RNF225: variants seen among roughly 807,000 people sequenced by gnomAD.
RNF225 encodes ring finger protein 225.
For missense variants in RNF225, 510 were observed against 509.8 expected (o/e 1.00, Z 0.00); for synonymous variants, 295 against 260.4 (o/e 1.13, Z -1.28).
In RNF225 at chr19:58,396,784, C is replaced by G; in HGVS notation, c.695C>G (p.Pro232Arg). 42 of 1,515,600 alleles carry G rather than the reference C, an allele frequency of 2.8e-5. No homozygotes were observed. Among genetic ancestry groups the G allele is most frequent in the Non-Finnish European group, 3.6e-5 (41 of 1,139,172 alleles). The allele number at this position is 1,515,600 out of a possible 1,614,324, so 93.9% of individuals were successfully genotyped here. The change falls in exon 1 of 1, where the codon CCG (proline) becomes CGG (arginine). Residue 232 changes from proline to arginine, a missense_variant. Transcript: ENST00000601382. ...LIPHATSSGP[P>R]RPQLVALAPA... ...CCGCACGCCACCTCCTCCGGCCCCCCGCGGCCCCAGCTCGTGGCGCTCGCT... is the reference window on the plus strand; with the variant it reads ...CCGCACGCCACCTCCTCCGGCCCCCGGCGGCCCCAGCTCGTGGCGCTCGCT...
In RNF225 at chr19:58,396,764, C is replaced by A. The variant is rs1045511164; in HGVS notation, c.675C>A (p.His225Gln). Residue 225 changes from histidine (H) to glutamine (Q), a missense_variant, in exon 1 of 1, where the codon CAC (histidine) becomes CAA (glutamine). By Grantham distance (24) the His-to-Gln change is conservative. Transcript: ENST00000601382. Reference sequence around the variant, plus strand: ...TCTACATCTTCTTCCTCATCCCGCACGCCACCTCCTCCGGCCCCCCGCGGC... The same window carrying A: ...TCTACATCTTCTTCCTCATCCCGCAAGCCACCTCCTCCGGCCCCCCGCGGC... ...SGVYIFFLIP[H>Q]ATSSGPPRPQ... is the part of the protein sequence containing the mutation. 1.3e-6 allele frequency: 2 copies of A among 1,514,718 alleles called. No homozygotes were observed. Among genetic ancestry groups the A allele is most frequent in the Non-Finnish European group, 1.8e-6 (2 of 1,138,710 alleles). The allele number at this position is 1,514,718 out of a possible 1,614,324, so 93.8% of individuals were successfully genotyped here.
rs773272379 is a variant in RNF225 at position 58,396,345 on chromosome 19, G to A, written c.256G>A (p.Val86Ile). 7 of 1,535,524 alleles carry A rather than the reference G, an allele frequency of 4.6e-6. 1 individual carries two copies. In the South Asian group the frequency reaches 8.3e-5, roughly 18 times the overall value. ...KLPKRLDCGH[V>I]FCLECLARLS... The stretch of plus-strand genomic sequence containing the variant: ...GCCCAAGCGCCTGGACTGCGGCCAC[G>A]TCTTCTGTCTCGAGTGCCTGGCGCG... The change falls in exon 1 of 1, where the codon GTC becomes ATC. Residue 86 changes from valine (V) to isoleucine (I), a missense_variant. Coordinates refer to ENST00000601382, the MANE Select transcript of RNF225 (RefSeq NM_001195135.2).
chr19:58,396,639 C>G lies in RNF225; in HGVS notation c.550C>G (p.Pro184Ala). The G allele has an allele frequency of 7.1e-7, 1 of 1,400,494 alleles. No individual in the cohort carries two copies. Among genetic ancestry groups the G allele is most frequent in the South Asian group, 1.5e-5 (1 of 67,676 alleles). The allele number at this position is 1,400,494 out of a possible 1,614,324, so 86.8% of individuals were successfully genotyped here. A position where few individuals can be genotyped will look rare whatever the true frequency, so the allele number is the denominator to read the frequency against. ...PPPPPLRLGR[P>A]LSRRLSLASP... is the part of the protein sequence containing the mutation. ...CCCGCCGCCTCTGCGCCTGGGCCGC[C>G]CGCTGTCGCGCCGCTTGTCGCTGGC... Residue 184 changes from proline to alanine, a missense_variant, in exon 1 of 1, where the codon CCG (proline) becomes GCG (alanine). Transcript: ENST00000601382.
rs991163466 is a variant in RNF225, at chr19:58,396,152, C to G, written c.63C>G (p.Ser21Arg). ...GGGCCCCCCAGGGCTCGGGTCCCAG[C>G]TCCCCAGGCTCGCTCTCTGCGCCCC... ...HSRAPQGSGP[S>R]SPGSLSAPRS... Residue 21 changes from serine (S) to arginine (R), a missense_variant, in exon 1 of 1, where the codon AGC becomes AGG. Coordinates refer to ENST00000601382, the MANE Select transcript of RNF225 (RefSeq NM_001195135.2). The G allele has an allele frequency of 6.5e-7, 1 of 1,533,966 alleles. No homozygotes were observed. The highest frequency in any genetic ancestry group is 1.4e-5 in the African/African-American group (1 of 72,936).
Position 58,395,751 on chromosome 19 carries a change from G to A in RNF225, c.-339G>A, listed in dbSNP as rs1599936388. On this transcript the variant is annotated 5_prime_UTR_variant, in exon 1 of 1. Transcript: ENST00000601382. ...TGCGGTCTGTCATTACTCTGTGGGG[G>A]GTGCCTATCTCTGCTCCTCTGTGGG... Among the ~76,000 whole-genome samples, 2 of 152,078 alleles carry A rather than the reference G, an allele frequency of 1.3e-5. No individual in the cohort carries two copies. The highest frequency in any genetic ancestry group is 4.1e-4 in the South Asian group (2 of 4,828).
chr19:58,396,523 G>A lies in RNF225; in HGVS notation c.434G>A (p.Gly145Asp). Reference protein sequence around the residue: ...RDARAPPSRQGSVRFDRRRGL... With the variant: ...RDARAPPSRQDSVRFDRRRGL... ...GCGCGCGCACCGCCCTCTCGCCAGGGCTCCGTGCGCTTCGACCGGCGCCGC... is the reference window on the plus strand; with the variant it reads ...GCGCGCGCACCGCCCTCTCGCCAGGACTCCGTGCGCTTCGACCGGCGCCGC... Residue 145 changes from glycine to aspartate, a missense_variant, in exon 1 of 1, where the codon GGC becomes GAC. Physicochemically the swap from Gly to Asp is moderately conservative, Grantham distance 94. Transcript: ENST00000601382. 3.3e-6 allele frequency: 4 copies of A among 1,228,234 alleles called. No individual in the cohort carries two copies. The highest frequency in any genetic ancestry group is 4.3e-5 in the Admixed American group (1 of 23,304). 76.1% of individuals were successfully genotyped at this position (1,228,234 alleles called of 1,614,324 possible). A position where few individuals can be genotyped will look rare whatever the true frequency, so the allele number is the denominator to read the frequency against.
Position 58,396,263 on chromosome 19 carries a change from C to T in RNF225, c.174C>T (p.Pro58=), listed in dbSNP as rs1212265980. The change falls in exon 1 of 1, where the codon CCC becomes CCT. Residue 58 remains proline (P), a synonymous_variant. Coordinates refer to ENST00000601382, the MANE Select transcript of RNF225 (RefSeq NM_001195135.2). ...GSPGSGPILP[P]ASPVECLICV... ...CAGGCTCCGGCCCTATCCTGCCCCC[C>T]GCCTCCCCGGTGGAGTGCCTCATCT... 3.3e-6 allele frequency: 5 copies of T among 1,536,464 alleles called. No homozygotes were observed. Among genetic ancestry groups the T allele is most frequent in the East Asian group, 2.4e-5 (1 of 40,916 alleles).
Position 58,396,206 on chromosome 19 carries a change from G to A in RNF225, c.117G>A (p.Glu39=), listed in dbSNP as rs2052397279. The A allele has an allele frequency of 1.3e-6, 2 of 1,541,420 alleles. No individual in the cohort carries two copies. Among genetic ancestry groups the A allele is most frequent in the Non-Finnish European group, 1.7e-6 (2 of 1,150,036 alleles). Residue 39 remains glutamate, a synonymous_variant, in exon 1 of 1, where the codon GAG becomes GAA. Coordinates refer to ENST00000601382, the MANE Select transcript of RNF225 (RefSeq NM_001195135.2). ...PRSPSRGEDQ[E]EEEEEEGDGS... ...CCCCAAGCAGAGGGGAAGACCAGGA[G>A]GAGGAGGAGGAGGAGGAAGGGGACG... is the stretch of plus-strand genomic sequence containing the variant.
In RNF225 at chr19:58,396,638, C is replaced by T. The variant is rs964542039; in HGVS notation, c.549C>T (p.Arg183=). ...PPPPPPLRLG[R]PLSRRLSLAS... ...CCCCGCCGCCTCTGCGCCTGGGCCG[C>T]CCGCTGTCGCGCCGCTTGTCGCTGG... The change falls in exon 1 of 1, where the codon CGC becomes CGT. Residue 183 remains arginine (R), a synonymous_variant. Transcript: ENST00000601382. 2 of 1,398,506 alleles carry T rather than the reference C, an allele frequency of 1.4e-6. No homozygotes were observed. The highest frequency in any genetic ancestry group is 1.5e-5 in the South Asian group (1 of 67,334). The allele number at this position is 1,398,506 out of a possible 1,614,324, so 86.6% of individuals were successfully genotyped here. A position where few individuals can be genotyped will look rare whatever the true frequency, so the allele number is the denominator to read the frequency against.
At position 58,396,967 on chromosome 19, in the gene RNF225, C is replaced by T. The variant is rs2052404970; in HGVS notation, c.878C>T (p.Ala293Val). The T allele has an allele frequency of 1.3e-6, 2 of 1,534,170 alleles. No individual in the cohort carries two copies. Among genetic ancestry groups the T allele is most frequent in the East Asian group, 2.4e-5 (1 of 40,866 alleles). ...CCCGAGGCGGGCCCCGAGGACCCGG[C>T]GGAGGCCGAGAGGACGCTGGACAGG... ...LEPEAGPEDP[A>V]EAERTLDRRS... is the part of the protein sequence containing the mutation. Residue 293 changes from alanine (A) to valine (V), a missense_variant, in exon 1 of 1, where the codon GCG becomes GTG. Ala to Val is a moderately conservative substitution (Grantham distance 64). Coordinates refer to ENST00000601382, the MANE Select transcript of RNF225 (RefSeq NM_001195135.2).
rs913242163 is a variant in RNF225, at chr19:58,395,752, G to A, written c.-338G>A. Among the ~76,000 whole-genome samples the A allele has an allele frequency of 9.9e-5, 15 of 152,226 alleles. No homozygotes were observed. Among genetic ancestry groups the A allele is most frequent in the Non-Finnish European group, 2.2e-4 (15 of 67,974 alleles). ...GCGGTCTGTCATTACTCTGTGGGGG[G>A]TGCCTATCTCTGCTCCTCTGTGGGT... On this transcript the variant is annotated 5_prime_UTR_variant, in exon 1 of 1. The change creates a new upstream start codon in the 5' untranslated region. Transcript: ENST00000601382.
rs537601397 is a variant in RNF225 at position 58,395,973 on chromosome 19, A to G, written c.-117A>G. On this transcript the variant is annotated 5_prime_UTR_variant, in exon 1 of 1. Coordinates refer to ENST00000601382, the MANE Select transcript of RNF225 (RefSeq NM_001195135.2). ...GGGATGGGGTGCTCTGTACTGGGGG[A>G]TCCTCTCTAAAGTACAGTCCCCAGT... 1.4e-5 allele frequency: 15 copies of G among 1,044,334 alleles called. No homozygotes were observed. In the East Asian group the frequency reaches 3.5e-4, roughly 24 times the overall value. 64.7% of individuals were successfully genotyped at this position (1,044,334 alleles called of 1,614,324 possible).
At position 58,396,407 on chromosome 19, in the gene RNF225, G is replaced by T; in HGVS notation, c.318G>T (p.Val106=). 6.5e-7 allele frequency: 1 copy of T among 1,529,428 alleles called. No individual in the cohort carries two copies. Among genetic ancestry groups the T allele is most frequent in the Admixed American group, 2.0e-5 (1 of 50,590 alleles). The allele number at this position is 1,529,428 out of a possible 1,614,324, so 94.7% of individuals were successfully genotyped here. ...SLATAGGGNA[V]ACPVCRAPTR... is the part of the protein sequence containing the mutation. ...CCACGGCGGGCGGCGGCAACGCGGT[G>T]GCCTGTCCGGTGTGCCGCGCGCCCA... is the stretch of plus-strand genomic sequence containing the variant. The change falls in exon 1 of 1, where the codon GTG becomes GTT. Residue 106 remains valine, a synonymous_variant. Transcript: ENST00000601382.
At position 58,397,041 on chromosome 19, in the gene RNF225, T is replaced by C; in HGVS notation, c.952T>C (p.Trp318Arg). 1 of 1,528,230 alleles carries C rather than the reference T, an allele frequency of 6.5e-7. No individual in the cohort carries two copies. Among genetic ancestry groups the C allele is most frequent in the Non-Finnish European group, 8.7e-7 (1 of 1,144,032 alleles). 94.7% of individuals were successfully genotyped at this position (1,528,230 alleles called of 1,614,324 possible). Residue 318 changes from tryptophan (W) to arginine (R), a missense_variant, in exon 1 of 1, where the codon TGG becomes CGG. Physicochemically the swap from Trp to Arg is moderately radical, Grantham distance 101 (BLOSUM62 -3). Coordinates refer to ENST00000601382, the MANE Select transcript of RNF225 (RefSeq NM_001195135.2). ...GTEAGPGWAP[W>R]PRGARRLWGS... Reference sequence around the variant, plus strand: ...AGAGGCTGGCCCCGGCTGGGCCCCGTGGCCACGGGGCGCGAGGAGGCTGTG... The same window carrying C: ...AGAGGCTGGCCCCGGCTGGGCCCCGCGGCCACGGGGCGCGAGGAGGCTGTG...
At position 58,395,866 on chromosome 19, in the gene RNF225, C is replaced by T. The variant is rs886123281; in HGVS notation, c.-224C>T. Among the ~76,000 whole-genome samples the T allele has an allele frequency of 2.6e-5, 4 of 152,132 alleles. No homozygotes were observed. The highest frequency in any genetic ancestry group is 6.5e-5 in the Admixed American group (1 of 15,292). On this transcript the variant is annotated 5_prime_UTR_variant, in exon 1 of 1. Coordinates refer to ENST00000601382, the MANE Select transcript of RNF225 (RefSeq NM_001195135.2). ...CCGTTTCCAATTCAGGAACTGGTAC[C>T]CCGTGGGTCCATTCCTATCCCCAGT... is the stretch of plus-strand genomic sequence containing the variant.
At position 58,396,052 on chromosome 19, in the gene RNF225, T is replaced by C. The variant is rs1177098338; in HGVS notation, c.-38T>C. The C allele has an allele frequency of 4.1e-6, 6 of 1,473,372 alleles. No individual in the cohort carries two copies. The highest frequency in any genetic ancestry group is 4.5e-6 in the Non-Finnish European group (5 of 1,120,316). The allele number at this position is 1,473,372 out of a possible 1,614,324, so 91.3% of individuals were successfully genotyped here. A position where few individuals can be genotyped will look rare whatever the true frequency, so the allele number is the denominator to read the frequency against. ...ACCCGCTCCAGGCTCCACCGCCTCC[T>C]TCCCTGCCTGACCTCCTCTCCTCCC... On this transcript the variant is annotated 5_prime_UTR_variant, in exon 1 of 1. Coordinates refer to ENST00000601382, the MANE Select transcript of RNF225 (RefSeq NM_001195135.2).
In RNF225 at chr19:58,395,752, G is replaced by GCCCCTGGCCCCTGTGCT. The variant is rs2052393416; in HGVS notation, c.-338_-337insCCCCTGGCCCCTGTGCT. ...GCGGTCTGTCATTACTCTGTGGGGG[G>GCCCCTGGCCCCTGTGCT]TGCCTATCTCTGCTCCTCTGTGGGT... On this transcript the variant is annotated 5_prime_UTR_variant, in exon 1 of 1. Coordinates refer to ENST00000601382, the MANE Select transcript of RNF225 (RefSeq NM_001195135.2). Among the ~76,000 whole-genome samples the GCCCCTGGCCCCTGTGCT allele has an allele frequency of 6.6e-6, 1 of 152,108 alleles. No homozygotes were observed. The highest frequency in any genetic ancestry group is 2.4e-5 in the African/African-American group (1 of 41,422).
chr19:58,396,807 G>A lies in RNF225; in HGVS notation c.718G>A (p.Ala240Thr), dbSNP rs1316704794. Reference sequence around the variant, plus strand: ...CCCGCGGCCCCAGCTCGTGGCGCTCGCTCCAGCGCCTGGCTTCTCTTGGTT... The same window carrying A: ...CCCGCGGCCCCAGCTCGTGGCGCTCACTCCAGCGCCTGGCTTCTCTTGGTT... ...GPPRPQLVALAPAPGFSWFPP... is the reference protein window; with the variant it reads ...GPPRPQLVALTPAPGFSWFPP... The change falls in exon 1 of 1, where the codon GCT (alanine) becomes ACT (threonine). Residue 240 changes from alanine (A) to threonine (T), a missense_variant. Physicochemically the swap from Ala to Thr is moderately conservative, Grantham distance 58. Coordinates refer to ENST00000601382, the MANE Select transcript of RNF225 (RefSeq NM_001195135.2). The A allele has an allele frequency of 5.3e-5, 80 of 1,519,094 alleles. No homozygotes were observed. The highest frequency in any genetic ancestry group is 6.8e-5 in the Non-Finnish European group (77 of 1,140,688). The allele number at this position is 1,519,094 out of a possible 1,614,324, so 94.1% of individuals were successfully genotyped here.
Position 58,396,121 on chromosome 19 carries a change from A to T in RNF225, c.32A>T (p.His11Leu). 1 of 1,532,140 alleles carries T rather than the reference A, an allele frequency of 6.5e-7. No homozygotes were observed. The highest frequency in any genetic ancestry group is 1.2e-5 in the South Asian group (1 of 83,748). 94.9% of individuals were successfully genotyped at this position (1,532,140 alleles called of 1,614,324 possible). MPCPRPFWLRHSRAPQGSGPS... is the reference protein window; with the variant it reads MPCPRPFWLRLSRAPQGSGPS... ...TGCCCTCGGCCGTTCTGGCTCCGCCATTCCCGGGCCCCCCAGGGCTCGGGT... is the reference window on the plus strand; with the variant it reads ...TGCCCTCGGCCGTTCTGGCTCCGCCTTTCCCGGGCCCCCCAGGGCTCGGGT... Residue 11 changes from histidine (H) to leucine (L), a missense_variant, in exon 1 of 1, where the codon CAT becomes CTT. By Grantham distance (99) the His-to-Leu change is moderately conservative (BLOSUM62 -3). Coordinates refer to ENST00000601382, the MANE Select transcript of RNF225 (RefSeq NM_001195135.2).
Sources: allele counts gnomAD v4.1 joint callset (sites outside exome capture counted in the v4.1 genomes callset), GRCh38; gene constraint gnomAD v4.1.1; transcripts MANE v1.5; gene names NCBI Gene and HGNC (gene_info 2026-07-23, HGNC 2026-07-21).